Variants in ABCC5 observed in about 807,000 individuals in gnomAD.
ABCC5 encodes ATP-binding cassette sub-family C member 5.
A neutral mutation model predicts 160.9 loss-of-function variants in ABCC5; 61 were observed. The observed-to-expected ratio is 0.38, with a 90% CI of 0.31 to 0.47. The LOEUF (loss-of-function observed/expected upper bound fraction) is 0.47, where lower values mean the gene tolerates loss of function less well. ABCC5 is among the 20% of genes least tolerant of loss of function. ABCC5 has a pLI of 0.99. For missense variants in ABCC5, 1,308 were observed against 1,813.3 expected, an observed-to-expected ratio of 0.72 and a Z score of 5.06; for synonymous variants, 666 against 700.6, an observed-to-expected ratio of 0.95 and a Z score of 0.78.
rs1714500960 is a variant in ABCC5 at position 183,942,865 on chromosome 3, C to G, written c.3556G>C (p.Asp1186His). The change falls in exon 25 of 30, where the codon GAC (aspartate) becomes CAC (histidine). Residue 1186 changes from aspartate to histidine, a missense_variant. Physicochemically the swap from Asp to His is moderately conservative, Grantham distance 81. Around this residue, in one of 3 missense-constraint regions of ABCC5, gnomAD observed 1,142 missense variants for 1,527.1 expected, o/e 0.75. Transcript: ENST00000334444. ...GTCACCTCTCCCTCCTGGGGCCAGT[C>G]AGGGGAGGGAGCCTTGTTCTTAATT... ...ARIKNKAPSP[D>H]WPQEGEVTFE... 1 of 1,613,970 alleles carries G rather than the reference C, an allele frequency of 6.2e-7. No homozygotes were observed. Among genetic ancestry groups the G allele is most frequent in the African/African-American group, 1.3e-5 (1 of 74,886 alleles).
In ABCC5 at chr3:183,921,108, G is replaced by C. The variant is rs1711925925; in HGVS notation, c.*192C>G. The C allele has an allele frequency of 4.3e-6, 2 of 461,108 alleles. No individual in the cohort carries two copies. The allele number at this position is 461,108 out of a possible 1,614,324, so 28.6% of individuals were successfully genotyped here. A position where few individuals can be genotyped will look rare whatever the true frequency, so the allele number is the denominator to read the frequency against. Reference sequence around the variant, plus strand: ...AACAAAAACTAAATTTTGTTTACATGAATATGGAATAAATACAATAATCAA... The same window carrying C: ...AACAAAAACTAAATTTTGTTTACATCAATATGGAATAAATACAATAATCAA... On this transcript the variant is annotated 3_prime_UTR_variant, in exon 30 of 30. Coordinates refer to ENST00000334444, the MANE Select transcript of ABCC5 (RefSeq NM_005688.4). The surrounding 1 kb of genome is among the most constrained non-coding windows in gnomAD (Gnocchi z 4.1).
At chr3:183,926,768 C>G (rs1712610486) in intron 28 of ABCC5, among the ~76,000 whole-genome samples, 1 of 151,572 alleles carries the variant, frequency 6.6e-6, no homozygotes, top group South Asian at 2.1e-4. Flanking sequence ...CTATGTCGGC[C>G]AGACACGGTG....
chr3:183,974,782 T>C (rs571072061), intron 10 of ABCC5, among the ~76,000 whole-genome samples: 60 of 152,310 alleles, frequency 3.9e-4, no homozygotes, highest in Admixed American at 2.2e-3. Flanking sequence ...AATCAATAAA[T>C]TACAGGTTAC....
At chr3:183,965,779 TAGG>T (rs1242358483) in intron 12 of ABCC5, among the ~76,000 whole-genome samples, 1 of 152,220 alleles carries the variant, frequency 6.6e-6, no homozygotes, top group African/African-American at 2.4e-5. Context: ...CTGTTTAAAT[TAGG>T]AGAAGCACAA....
At chr3:183,937,719 T>C (rs958849215) in intron 26 of ABCC5, among the ~76,000 whole-genome samples, 182 bp downstream of exon 26, 1 of 152,160 alleles carries the variant, frequency 6.6e-6, no homozygotes, top group Non-Finnish European at 1.5e-5. Flanking sequence ...GTCAACCAAG[T>C]GGCATTGTGA....
chr3:183,926,298 TCCCA>T (rs1712548612), intron 28 of ABCC5, among the ~76,000 whole-genome samples: 3 of 150,788 alleles, frequency 2.0e-5, no homozygotes, highest in Non-Finnish European at 4.4e-5. Flanking sequence ...ATGCCTGTAA[TCCCA>T]GCACTTTGAG....
chr3:183,961,911 C>G (rs1053817161), intron 15 of ABCC5, among the ~76,000 whole-genome samples: 2 of 152,152 alleles, frequency 1.3e-5, no homozygotes, highest in African/African-American at 4.8e-5. Context: ...TCCCGAATAG[C>G]TGGGACTACA....
In ABCC5 at chr3:183,971,668, G is replaced by C. The variant is rs370275882; in HGVS notation, c.1656C>G (p.Asp552Glu). 56 of 1,614,096 alleles carry C rather than the reference G, an allele frequency of 3.5e-5. No homozygotes were observed. The African/African-American group carries it at 6.9e-4, about 20-fold the overall frequency. ...LAEQKGHLLL[D>E]SDERPSPEEE... ...CTTCGGGACTGGGCCGCTCGTCACT[G>C]TCCAGGAGGAGGTGGCCTTTCTGCT... is the stretch of plus-strand genomic sequence containing the variant. Residue 552 changes from aspartate to glutamate, a missense_variant, in exon 11 of 30, where the codon GAC becomes GAG. Asp to Glu is a conservative substitution (Grantham distance 45, BLOSUM62 2). Around this residue, in one of 3 missense-constraint regions of ABCC5, gnomAD observed 1,142 missense variants for 1,527.1 expected, o/e 0.75. Coordinates refer to ENST00000334444, the MANE Select transcript of ABCC5 (RefSeq NM_005688.4).
rs1180523125 is a variant in ABCC5 at position 183,987,257 on chromosome 3, A to G, written c.591+513T>C. 1 of 207,118 alleles carries G rather than the reference A, an allele frequency of 4.8e-6. No individual in the cohort carries two copies. Among genetic ancestry groups the G allele is most frequent in the Non-Finnish European group, 9.8e-6 (1 of 101,804 alleles). The allele number at this position is 207,118 out of a possible 1,614,324, so 12.8% of individuals were successfully genotyped here. A position where few individuals can be genotyped will look rare whatever the true frequency, so the allele number is the denominator to read the frequency against. ...GCTGCCACCCCAACACTTGCCACAC[A>G]GTCACACTATAAGCCAAACTTAAAC... On this transcript the variant is annotated intron_variant, in intron 5 of 29. Coordinates refer to ENST00000334444, the MANE Select transcript of ABCC5 (RefSeq NM_005688.4). This position sits in a 1 kb window ranked among gnomAD's most constrained non-coding sequence, Gnocchi z 4.2.
At chr3:184,010,873 C>T (rs781168536) in intron 2 of ABCC5, among the ~76,000 whole-genome samples, 59 of 149,478 alleles carry the variant, frequency 3.9e-4, no homozygotes, top group Non-Finnish European at 7.2e-4. Context: ...TCTTGGTTCA[C>T]TGCAACTTCC....
intron 22 of ABCC5, among the ~76,000 whole-genome samples, chr3:183,948,336 G>A (rs1431836440): frequency 2.6e-5 from 4 of 151,312 alleles, no homozygotes; most frequent in African/African-American, 9.7e-5. Flanking sequence ...TTGATATTCC[G>A]CTGCATTTCC....
intron 5 of ABCC5, chr3:183,984,063 G>A: frequency 3.0e-6 from 3 of 985,248 alleles, no homozygotes; most frequent in Non-Finnish European, 3.6e-6. Context: ...AGATTCTCTA[G>A]GAAAAAAGAC....
intron 29 of ABCC5, among the ~76,000 whole-genome samples, chr3:183,923,398 G>T (rs1408173686): frequency 6.6e-6 from 1 of 152,046 alleles, no homozygotes; most frequent in African/African-American, 2.4e-5. Context: ...TGAGGTGGGC[G>T]GATTATCTGA....
At chr3:183,933,189 T>A (rs1255179283) in intron 26 of ABCC5, among the ~76,000 whole-genome samples, 5 of 134,560 alleles carry the variant, frequency 3.7e-5, no homozygotes, top group Admixed American at 7.6e-5. Context: ...AAAAAAAAAA[T>A]TTAATGAGCA....
chr3:183,942,502 T>A (rs907055461), intron 25 of ABCC5: 15 of 675,750 alleles, frequency 2.2e-5, no homozygotes, highest in Non-Finnish European at 3.8e-5. Context: ...TACTTGGCTG[T>A]GTGCCCCAGT....
intron 8 of ABCC5, among the ~76,000 whole-genome samples, chr3:183,980,272 A>G (rs1718594725): frequency 6.6e-6 from 1 of 152,262 alleles, no homozygotes. Flanking sequence ...TGTAAGTCAC[A>G]TAAAAACACT....
intron 15 of ABCC5, among the ~76,000 whole-genome samples, chr3:183,962,307 T>A (rs972048830): frequency 6.6e-6 from 1 of 152,140 alleles, no homozygotes; most frequent in Non-Finnish European, 1.5e-5. Flanking sequence ...AAAAACAGAA[T>A]GGTTGTGTGG....
intron 17 of ABCC5, among the ~76,000 whole-genome samples, chr3:183,957,634 C>A (rs564114106): frequency 1.6e-4 from 24 of 151,252 alleles, no homozygotes; most frequent in Non-Finnish European, 2.8e-4. Context: ...ATGTGTAAAT[C>A]ACATCGGTTA....
At chr3:183,927,858 C>T in intron 27 of ABCC5, 1 of 974,138 alleles carries the variant, frequency 1.0e-6, no homozygotes, top group Non-Finnish European at 1.2e-6. Context: ...ACTTATTCTT[C>T]AAATGAGAAG....
Sources: gnomAD v4.1 joint callset for allele counts (sites outside exome capture counted in the v4.1 genomes callset) on GRCh38, gnomAD v4.1.1 for gene constraint, gnomAD v4.1.1 regional missense constraint, Gnocchi (gnomAD v3.1) non-coding constraint, MANE v1.5 for transcripts, NCBI Gene and HGNC (gene_info 2026-07-23, HGNC 2026-07-21) for gene names.